The following NALF1 variants were observed in gnomAD, a reference collection of about 807,000 sequenced individuals.
NALF1 encodes family with sequence similarity 155 member A.
Under a neutral mutation model 48.4 loss-of-function variants are expected in NALF1, and 3 were observed. The observed-to-expected ratio is 0.06, with a 90% CI of 0.03 to 0.16. The LOEUF (loss-of-function observed/expected upper bound fraction) is 0.16. NALF1 is among the 10% of genes least tolerant of loss of function. NALF1 has a pLI of 1.00. For missense variants in NALF1, 526 were observed against 571.5 expected, an observed-to-expected ratio of 0.92 and a Z score of 0.81; for synonymous variants, 262 against 245.7, an observed-to-expected ratio of 1.07 and a Z score of -0.62.
chr13:107,734,031 C>A (rs1876390465), intron 1 of NALF1, among the ~76,000 whole-genome samples: 1 of 151,998 alleles, frequency 6.6e-6, no homozygotes, highest in Non-Finnish European at 1.5e-5. Flanking sequence ...TAGGCAACGG[C>A]AAAACAGTGG....
At chr13:107,521,734 A>C (rs1259033743) in intron 1 of NALF1, among the ~76,000 whole-genome samples, 2 of 152,134 alleles carry the variant, frequency 1.3e-5, no homozygotes. Flanking sequence ...CCCACAGTTT[A>C]AAGTAGCCCA....
intron 1 of NALF1, among the ~76,000 whole-genome samples, chr13:107,358,166 ATATGTG>A (rs1293202404): frequency 9.0e-5 from 11 of 121,610 alleles, no homozygotes; most frequent in African/African-American, 3.3e-4. Flanking sequence ...TATACGTAAC[ATATGTG>A]TGTGTGTGTG....
chr13:107,519,363 GGAA>G (rs1431418173), intron 1 of NALF1, among the ~76,000 whole-genome samples: 1 of 76,686 alleles, frequency 1.3e-5, no homozygotes, highest in Non-Finnish European at 3.7e-5. Context: ...TCCGGGAGGA[GGAA>G]AAAAAAAAAA....
At chr13:107,492,673 T>C (rs1190075151) in intron 1 of NALF1, among the ~76,000 whole-genome samples, 2 of 152,152 alleles carry the variant, frequency 1.3e-5, no homozygotes, top group Non-Finnish European at 2.9e-5. Context: ...TTTTGCACTG[T>C]CTGTAAATAG....
At position 107,797,504 on chromosome 13, in the gene NALF1, C is replaced by T. The variant is rs993499725; in HGVS notation, c.915+68178G>A. ...GATTACAGGCGTGAGCCACCGCGCC[C>T]GGCCCACCTCCTGTTTTTCAACCCC... On this transcript the variant is annotated intron_variant, in intron 1 of 2. Coordinates refer to ENST00000375915, the MANE Select transcript of NALF1 (RefSeq NM_001080396.3). 5.3e-5 allele frequency among the ~76,000 whole-genome samples: 8 copies of T among 152,266 alleles called. 1 individual carries two copies. Among genetic ancestry groups the T allele is most frequent in the Admixed American group, 6.5e-5 (1 of 15,288 alleles).
intron 1 of NALF1, among the ~76,000 whole-genome samples, chr13:107,304,778 G>A (rs967471048): frequency 7.9e-5 from 12 of 152,246 alleles, no homozygotes; most frequent in African/African-American, 2.9e-4. Context: ...TCAATTGCTG[G>A]AGAGAGTTCG....
chr13:107,445,437 G>T, intron 1 of NALF1, among the ~76,000 whole-genome samples: 1 of 152,128 alleles, frequency 6.6e-6, no homozygotes, highest in East Asian at 1.9e-4. Flanking sequence ...TAGTATGGAT[G>T]CGTCACAGTT....
chr13:107,568,406 T>C (rs1202299188), intron 1 of NALF1, among the ~76,000 whole-genome samples: 1 of 152,254 alleles, frequency 6.6e-6, no homozygotes, highest in Non-Finnish European at 1.5e-5. Flanking sequence ...ACAGCTGCTA[T>C]GAACATTCAG....
chr13:107,366,299 G>A (rs1216595495), intron 1 of NALF1, among the ~76,000 whole-genome samples: 5 of 152,182 alleles, frequency 3.3e-5, no homozygotes, highest in African/African-American at 1.2e-4. Context: ...ATCTATCCTT[G>A]TGATGAAGAA....
chr13:107,283,324 G>C (rs1281326749), intron 1 of NALF1, among the ~76,000 whole-genome samples: 1 of 152,158 alleles, frequency 6.6e-6, no homozygotes, highest in Admixed American at 6.5e-5. Context: ...ACATGGTGAA[G>C]TACGGCAGCT....
intron 1 of NALF1, among the ~76,000 whole-genome samples, chr13:107,451,238 A>G (rs546837845): frequency 2.6e-5 from 4 of 152,100 alleles, no homozygotes; most frequent in Non-Finnish European, 5.9e-5. Context: ...CCAGATAGAA[A>G]GACCCGCCAG....
chr13:107,590,805 T>G (rs781633723), intron 1 of NALF1, among the ~76,000 whole-genome samples: 3 of 151,936 alleles, frequency 2.0e-5, no homozygotes, highest in Non-Finnish European at 2.9e-5. Context: ...CCAAGCACCT[T>G]TCTCATGTAC....
intron 1 of NALF1, among the ~76,000 whole-genome samples, chr13:107,700,422 C>T (rs1180696582): frequency 2.0e-5 from 3 of 150,962 alleles, no homozygotes; most frequent in East Asian, 4.0e-4. Flanking sequence ...GTAAATGATG[C>T]TGAGAAAACA....
At chr13:107,751,837 G>T (rs745306183) in intron 1 of NALF1, among the ~76,000 whole-genome samples, 4 of 151,904 alleles carry the variant, frequency 2.6e-5, no homozygotes, top group Non-Finnish European at 5.9e-5. Context: ...CAACATACAT[G>T]TGCACACACA....
At chr13:107,231,666 G>A (rs189386264) in intron 1 of NALF1, among the ~76,000 whole-genome samples, 4 of 152,222 alleles carry the variant, frequency 2.6e-5, no homozygotes, top group East Asian at 1.9e-4. Flanking sequence ...TTTGAGCTAC[G>A]CAAAAAATTA....
At chr13:107,355,628 T>C (rs1000039215) in intron 1 of NALF1, among the ~76,000 whole-genome samples, 1 of 152,092 alleles carries the variant, frequency 6.6e-6, no homozygotes, top group Non-Finnish European at 1.5e-5. Context: ...AAAAGGCGTG[T>C]AGCACTTCCC....
chr13:107,554,940 T>C (rs185688638), intron 1 of NALF1, among the ~76,000 whole-genome samples: 1 of 152,226 alleles, frequency 6.6e-6, no homozygotes, highest in Non-Finnish European at 1.5e-5. Context: ...CTAACAACTG[T>C]GCAGAAGAGC....
intron 1 of NALF1, among the ~76,000 whole-genome samples, chr13:107,526,108 T>C (rs117673092): frequency 0.012 from 1,878 of 152,264 alleles, 22 homozygotes; most frequent in Middle Eastern, 0.037. Context: ...CCTAAGTTGA[T>C]GGTTTGTCAC....
intron 1 of NALF1, among the ~76,000 whole-genome samples, chr13:107,411,301 G>GTTT (rs5806654): frequency 1.2e-4 from 17 of 136,430 alleles, no homozygotes; most frequent in African/African-American, 4.0e-4. Flanking sequence ...GTAGAATCTT[G>GTTT]TTTTTTTTTT....
Sources: allele counts gnomAD v4.1 joint callset (sites outside exome capture counted in the v4.1 genomes callset), GRCh38; gene constraint gnomAD v4.1.1; transcripts MANE v1.5; gene names NCBI Gene and HGNC (gene_info 2026-07-23, HGNC 2026-07-21).